Variants in YIPF3 observed in about 807,000 individuals in gnomAD.
YIPF3 encodes the protein protein YIPF3.
A neutral mutation model predicts 40.3 loss-of-function variants in YIPF3; 18 were observed. The ratio of observed to expected loss-of-function variants is 0.45; its 90% confidence interval spans 0.31 to 0.66. The LOEUF (loss-of-function observed/expected upper bound fraction) is 0.66. YIPF3 is among the 30% of genes least tolerant of loss of function. The pLI, the probability that YIPF3 is intolerant of heterozygous loss-of-function variation, is 0.07. For missense variants in YIPF3, 406 were observed against 452.2 expected, an observed-to-expected ratio of 0.90 and a Z score of 0.93; for synonymous variants, 190 against 179.6, an observed-to-expected ratio of 1.06 and a Z score of -0.46.
Position 43,511,940 on chromosome 6 carries a change from T to C in YIPF3, c.*227A>G. The C allele has an allele frequency of 1.7e-6, 1 of 599,024 alleles. No homozygotes were observed. Among genetic ancestry groups the C allele is most frequent in the Non-Finnish European group, 2.8e-6 (1 of 356,476 alleles). 37.1% of individuals were successfully genotyped at this position (599,024 alleles called of 1,614,324 possible). The stretch of plus-strand genomic sequence containing the variant: ...GGTGGGGAGGGGTTCTCAAAGGAGC[T>C]GACCCATTTTCTGCATTGGCTGCAG... On this transcript the variant is annotated 3_prime_UTR_variant, in exon 9 of 9. Coordinates refer to ENST00000372422, the MANE Select transcript of YIPF3 (RefSeq NM_015388.4).
Position 43,512,121 on chromosome 6 carries a change from C to T in YIPF3, c.*46G>A, listed in dbSNP as rs753543736. On this transcript the variant is annotated 3_prime_UTR_variant, in exon 9 of 9. Transcript: ENST00000372422. ...ACTGTCCTTTAATAGTCTTCCTCCT[C>T]TCTGCAGCTGCGGGAAAGAGGACTG... 4 of 1,612,366 alleles carry T rather than the reference C, an allele frequency of 2.5e-6. No homozygotes were observed. The highest frequency in any genetic ancestry group is 3.4e-6 in the Non-Finnish European group (4 of 1,179,132).
intron 3 of YIPF3, 111 bp downstream of exon 3, chr6:43,515,484 G>A: frequency 1.0e-6 from 1 of 985,418 alleles, no homozygotes; most frequent in Non-Finnish European, 1.6e-6. Context: ...GAGAGGTGAT[G>A]GGGTCATGAA....
Position 43,515,704 on chromosome 6 carries a change from GAAGT to G in YIPF3, c.289-7_289-4del. The stretch of plus-strand genomic sequence containing the variant: ...TGTCTTTTCCCAGCCTGCCACATCT[GAAGT>G]AAGGAAGATGGGCATAGGTATTGTG... On this transcript the variant is annotated splice_polypyrimidine_tract_variant and splice_region_variant and intron_variant, in intron 2 of 8. Coordinates refer to ENST00000372422, the MANE Select transcript of YIPF3 (RefSeq NM_015388.4). 6.2e-7 allele frequency: 1 copy of G among 1,614,092 alleles called. No individual in the cohort carries two copies.
intron 1 of YIPF3, 34 bp downstream of exon 1, chr6:43,516,693 C>T (rs1792846778): frequency 1.2e-6 from 2 of 1,609,990 alleles, no homozygotes; most frequent in South Asian, 2.2e-5. Context: ...GCCGGCCCTC[C>T]GGCTGCTGGC....
chr6:43,514,979 G>A lies in YIPF3; in HGVS notation c.395+616C>T, dbSNP rs187865223. Among the ~76,000 whole-genome samples the A allele has an allele frequency of 1.2e-4, 18 of 152,146 alleles. No homozygotes were observed. The East Asian group carries it at 3.1e-3, about 26-fold the overall frequency. On this transcript the variant is annotated intron_variant, in intron 3 of 8. Coordinates refer to ENST00000372422, the MANE Select transcript of YIPF3 (RefSeq NM_015388.4). ...CAGTGGTGAAGTGCTGTCTATTAGA[G>A]GCAAGCGCAGAGTTCTTTTTTTTTT...
At chr6:43,512,982 C>A in intron 6 of YIPF3, 87 bp downstream of exon 6, 1 of 1,594,694 alleles carries the variant, frequency 6.3e-7, no homozygotes, top group Non-Finnish European at 8.6e-7. Context: ...CCTCCCATTC[C>A]AGGCTTTGGG....
At chr6:43,512,624 C>A in intron 7 of YIPF3, 61 bp from the exon 8 acceptor site, 1 of 1,557,344 alleles carries the variant, frequency 6.4e-7, no homozygotes, top group Admixed American at 1.9e-5. Flanking sequence ...GGGGACAAGA[C>A]ACCCCCACCC....
At position 43,512,320 on chromosome 6, in the gene YIPF3, A is replaced by C. The variant is rs1400179899; in HGVS notation, c.905-5T>G. The C allele has an allele frequency of 6.2e-7, 1 of 1,610,516 alleles. No homozygotes were observed. Among genetic ancestry groups the C allele is most frequent in the East Asian group, 2.2e-5 (1 of 44,872 alleles). ...CCTCCAGTGTGTCCAGGATCCCTGG[A>C]AGGAAGATGGAAGGTGAGCGAGGAT... On this transcript the variant is annotated splice_polypyrimidine_tract_variant and splice_region_variant and intron_variant, in intron 8 of 8. Coordinates refer to ENST00000372422, the MANE Select transcript of YIPF3 (RefSeq NM_015388.4).
Position 43,516,109 on chromosome 6 carries a change from G to C in YIPF3, c.82-14C>G. 1 of 1,614,040 alleles carries C rather than the reference G, an allele frequency of 6.2e-7. No individual in the cohort carries two copies. Among genetic ancestry groups the C allele is most frequent in the Non-Finnish European group, 8.5e-7 (1 of 1,179,976 alleles). On this transcript the variant is annotated splice_polypyrimidine_tract_variant and intron_variant, in intron 1 of 8. Coordinates refer to ENST00000372422, the MANE Select transcript of YIPF3 (RefSeq NM_015388.4). ...TGAGCCTCCGCCCTGTGAAGACAATGGCTCCTAGAGTGCAGGACTTTTCTG... is the reference window on the plus strand; with the variant it reads ...TGAGCCTCCGCCCTGTGAAGACAATCGCTCCTAGAGTGCAGGACTTTTCTG...
Position 43,513,580 on chromosome 6 carries a change from C to G in YIPF3, c.441+8G>C. The stretch of plus-strand genomic sequence containing the variant: ...CCCGGCTCTCCAGACATGCCACCCT[C>G]TATTCACCTGGGGGAAGTTGACCAT... On this transcript the variant is annotated splice_region_variant and intron_variant, in intron 4 of 8. Coordinates refer to ENST00000372422, the MANE Select transcript of YIPF3 (RefSeq NM_015388.4). The G allele has an allele frequency of 3.2e-6, 5 of 1,587,220 alleles. No homozygotes were observed. Among genetic ancestry groups the G allele is most frequent in the Non-Finnish European group, 4.3e-6 (5 of 1,165,720 alleles).
intron 8 of YIPF3, 21 bp from the exon 9 acceptor site, chr6:43,512,336 G>A (rs1258748151): frequency 6.2e-7 from 1 of 1,611,526 alleles, no homozygotes; most frequent in Non-Finnish European, 8.5e-7. Context: ...GATGGAAGGT[G>A]AGCGAGGATC....
Position 43,515,973 on chromosome 6 carries a change from A to G in YIPF3, c.204T>C (p.Asp68=). The G allele has an allele frequency of 1.2e-6, 2 of 1,613,844 alleles. No homozygotes were observed. The highest frequency in any genetic ancestry group is 1.6e-4 in the Middle Eastern group (1 of 6,062). ...REEEVDADAA[D]AAAAEEEDGE... Reference sequence around the variant, plus strand: ...CATCCTCCTCTTCAGCAGCAGCTGCATCAGCTGCATCAGCGTCTACTTCTT... The same window carrying G: ...CATCCTCCTCTTCAGCAGCAGCTGCGTCAGCTGCATCAGCGTCTACTTCTT... Residue 68 remains aspartate, a synonymous_variant, in exon 2 of 9, where the codon GAT becomes GAC. Coordinates refer to ENST00000372422, the MANE Select transcript of YIPF3 (RefSeq NM_015388.4).
chr6:43,512,524 G>A lies in YIPF3; in HGVS notation c.820C>T (p.Arg274Trp), dbSNP rs745847941. The A allele has an allele frequency of 5.6e-6, 9 of 1,612,652 alleles. No individual in the cohort carries two copies. The highest frequency in any genetic ancestry group is 5.5e-5 in the South Asian group (5 of 90,974). Residue 274 changes from arginine (R) to tryptophan (W), a missense_variant, in exon 8 of 9, where the codon CGG becomes TGG. Coordinates refer to ENST00000372422, the MANE Select transcript of YIPF3 (RefSeq NM_015388.4). Reference sequence around the variant, plus strand: ...GCCAGGGTGCCACAGAGGAGCAGCCGCTGTGTGGGGCCCACGGTCCGAGAC... The same window carrying A: ...GCCAGGGTGCCACAGAGGAGCAGCCACTGTGTGGGGCCCACGGTCCGAGAC... ...LVSRTVGPTQ[R>W]LLLCGTLAAL... is the part of the protein sequence containing the mutation.
intron 1 of YIPF3, 199 bp from the exon 2 acceptor site, chr6:43,516,294 G>A (rs1244511089): frequency 3.2e-6 from 4 of 1,231,604 alleles, no homozygotes; most frequent in Admixed American, 6.0e-5. Flanking sequence ...TCTAGCCTGG[G>A]AAACCTACTA....
chr6:43,516,315 C>T, intron 1 of YIPF3: 5 of 1,062,634 alleles, frequency 4.7e-6, no homozygotes, highest in Non-Finnish European at 1.3e-6. Flanking sequence ...GTCTTCCATT[C>T]ATGTCTTTCT....
intron 3 of YIPF3, 55 bp downstream of exon 3, chr6:43,515,540 G>A: frequency 6.3e-7 from 1 of 1,578,904 alleles, no homozygotes; most frequent in South Asian, 1.1e-5. Flanking sequence ...TGACTGTAGT[G>A]TGCATGAAGG....
At position 43,516,830 on chromosome 6, in the gene YIPF3, T is replaced by C. The variant is rs1487054078; in HGVS notation, c.-23A>G. 1.9e-6 allele frequency: 3 copies of C among 1,559,246 alleles called. No homozygotes were observed. The highest frequency in any genetic ancestry group is 2.6e-6 in the Non-Finnish European group (3 of 1,151,402). On this transcript the variant is annotated 5_prime_UTR_variant, in exon 1 of 9. Coordinates refer to ENST00000372422, the MANE Select transcript of YIPF3 (RefSeq NM_015388.4). The stretch of plus-strand genomic sequence containing the variant: ...CATGTCCCTTGAGGGCTCCCGTCGC[T>C]GAAACCCGCGCTAGCCCCGCGCGCG...
chr6:43,513,357 AC>A lies in YIPF3; in HGVS notation c.534+1del. The A allele has an allele frequency of 6.2e-7, 1 of 1,614,190 alleles. No individual in the cohort carries two copies. Among genetic ancestry groups the A allele is most frequent in the Non-Finnish European group, 8.5e-7 (1 of 1,180,014 alleles). On this transcript the variant is annotated splice_donor_variant, in intron 5 of 8. Transcript: ENST00000372422. LOFTEE classifies it high-confidence loss of function. Reference sequence around the variant, plus strand: ...CCCCCCAAAGTTGTCTGTCCTGCTTACGATAATAGTGTCAGACGTCTTCATC... The same window carrying A: ...CCCCCCAAAGTTGTCTGTCCTGCTTAGATAATAGTGTCAGACGTCTTCATC...
intron 3 of YIPF3, chr6:43,515,149 C>A (rs1561853759): frequency 2.6e-6 from 1 of 384,838 alleles, no homozygotes; most frequent in Non-Finnish European, 5.2e-6. Context: ...CGGGCACCCG[C>A]CTGTCTAATT....
Sources: gnomAD v4.1 joint callset for allele counts (sites outside exome capture counted in the v4.1 genomes callset) on GRCh38, gnomAD v4.1.1 for gene constraint, MANE v1.5 for transcripts, NCBI Gene and HGNC (gene_info 2026-07-23, HGNC 2026-07-21) for gene names.